Variants in ADK observed in about 807,000 individuals in gnomAD.
The protein encoded by ADK is N6,N6-dimethyladenosine kinase.
ADK carries 24 observed loss-of-function variants against 44.7 expected under a neutral mutation model. The observed-to-expected ratio is 0.54, with a 90% CI of 0.39 to 0.76. The LOEUF is 0.76. ADK is among the 30% of genes least tolerant of loss of function. The pLI is 0.00. For missense variants in ADK, 321 were observed against 425.1 expected (o/e 0.76, Z 2.15); for synonymous variants, 128 against 142.6 (o/e 0.90, Z 0.73).
chr10:74,592,068 T>G (rs1207542740), intron 8 of ADK, among the ~76,000 whole-genome samples: 1 of 152,026 alleles, frequency 6.6e-6, no homozygotes, highest in African/African-American at 2.4e-5. Context: ...AATTCGGCAG[T>G]TTTCAGTGAG....
chr10:74,485,588 C>A (rs1051399729), intron 6 of ADK, among the ~76,000 whole-genome samples: 1 of 151,906 alleles, frequency 6.6e-6, no homozygotes, highest in Non-Finnish European at 1.5e-5. Context: ...ATTTTAAAGT[C>A]TAAAAATTTC....
chr10:74,598,987 T>G (rs2133959485), intron 8 of ADK, among the ~76,000 whole-genome samples: 1 of 152,350 alleles, frequency 6.6e-6, no homozygotes, highest in East Asian at 1.9e-4. Context: ...ATGTGTACAC[T>G]TATTTAGGTG....
chr10:74,195,079 G>C (rs761042920), intron 1 of ADK, among the ~76,000 whole-genome samples: 1 of 90,664 alleles, frequency 1.1e-5, no homozygotes, highest in Non-Finnish European at 2.3e-5. Flanking sequence ...ATTACTGACC[G>C]CTCCCCCCCC....
intron 9 of ADK, among the ~76,000 whole-genome samples, chr10:74,660,286 A>G (rs1854659494): frequency 6.6e-6 from 1 of 151,656 alleles, no homozygotes; most frequent in Non-Finnish European, 1.5e-5. Flanking sequence ...GCACCACCAC[A>G]CCTGGCTAGT....
intron 6 of ADK, among the ~76,000 whole-genome samples, chr10:74,427,721 A>ATATT (rs1386487073): frequency 9.4e-6 from 1 of 106,052 alleles, no homozygotes; most frequent in African/African-American, 3.7e-5. Context: ...TTGTATATGT[A>ATATT]TATGTATGTG....
intron 7 of ADK, chr10:74,527,889 C>A (rs1849119990): frequency 2.4e-6 from 2 of 841,976 alleles, no homozygotes; most frequent in Non-Finnish European, 4.1e-6. Flanking sequence ...CAGGAAAAGG[C>A]AAGAGAAGGA....
chr10:74,286,430 A>G (rs2132463085), intron 3 of ADK, among the ~76,000 whole-genome samples: 1 of 152,352 alleles, frequency 6.6e-6, no homozygotes, highest in East Asian at 1.9e-4. Flanking sequence ...TGAGTGCTCA[A>G]GGGCCCAGGC....
chr10:74,173,310 G>A (rs917651609), intron 1 of ADK, among the ~76,000 whole-genome samples: 5 of 151,688 alleles, frequency 3.3e-5, no homozygotes, highest in Admixed American at 3.3e-4. Flanking sequence ...AGCCAGGATG[G>A]TCTCGATCTC....
chr10:74,168,952 G>A (rs1321379642), intron 1 of ADK, among the ~76,000 whole-genome samples: 1 of 152,116 alleles, frequency 6.6e-6, no homozygotes, highest in African/African-American at 2.4e-5. Context: ...TAGGACCGGT[G>A]TGGTGGCTCA....
At chr10:74,289,154 A>G (rs1847308322) in intron 3 of ADK, among the ~76,000 whole-genome samples, 1 of 152,220 alleles carries the variant, frequency 6.6e-6, no homozygotes, top group Non-Finnish European at 1.5e-5. Flanking sequence ...CTATATCAAC[A>G]AATAAATTCA....
chr10:74,667,348 A>G (rs952316953), intron 9 of ADK, among the ~76,000 whole-genome samples: 6 of 152,188 alleles, frequency 3.9e-5, no homozygotes, highest in African/African-American at 4.8e-5. Flanking sequence ...TGTACTGATA[A>G]GTATAAAAAG....
At chr10:74,626,412 G>A (rs777635670) in intron 9 of ADK, among the ~76,000 whole-genome samples, 1 of 150,696 alleles carries the variant, frequency 6.6e-6, no homozygotes, top group Non-Finnish European at 1.5e-5. Flanking sequence ...CGATTCTCCT[G>A]CCTCAGCCTC....
intron 4 of ADK, among the ~76,000 whole-genome samples, chr10:74,361,907 T>G (rs891382225): frequency 6.6e-6 from 1 of 152,212 alleles, no homozygotes; most frequent in African/African-American, 2.4e-5. Context: ...GCTTATAAGG[T>G]TTCTGCTGAT....
intron 6 of ADK, among the ~76,000 whole-genome samples, chr10:74,473,419 G>A (rs1009728162): frequency 2.0e-5 from 3 of 152,058 alleles, no homozygotes; most frequent in Non-Finnish European, 4.4e-5. Flanking sequence ...TAAACTACAG[G>A]TTTATTTTCC....
chr10:74,534,404 T>C (rs1451682697), intron 7 of ADK, among the ~76,000 whole-genome samples: 2 of 152,238 alleles, frequency 1.3e-5, no homozygotes, highest in African/African-American at 4.8e-5. Flanking sequence ...ATTTGTTATT[T>C]TTTGATCACC....
intron 4 of ADK, among the ~76,000 whole-genome samples, chr10:74,315,984 T>C (rs1233725592): frequency 6.6e-6 from 1 of 152,136 alleles, no homozygotes; most frequent in African/African-American, 2.4e-5. Context: ...ACGCCTGTAA[T>C]CCCAGCACTT....
At chr10:74,596,901 T>C (rs984940761) in intron 8 of ADK, among the ~76,000 whole-genome samples, 1 of 152,182 alleles carries the variant, frequency 6.6e-6, no homozygotes. Flanking sequence ...ATCTATAAAA[T>C]AGGGATAATA....
intron 4 of ADK, among the ~76,000 whole-genome samples, chr10:74,343,025 A>C (rs560545579): frequency 2.6e-5 from 4 of 152,336 alleles, no homozygotes; most frequent in African/African-American, 7.2e-5. Context: ...CAGTGAACAG[A>C]AGTGGCAAGA....
chr10:74,474,679 G>GT (rs1564742703), intron 6 of ADK, among the ~76,000 whole-genome samples: 26 of 151,424 alleles, frequency 1.7e-4, no homozygotes, highest in Non-Finnish European at 3.1e-4. Flanking sequence ...TGTGTGTGGG[G>GT]GTGTGTGTGT....
Sources: gnomAD v4.1 joint callset for allele counts (sites outside exome capture counted in the v4.1 genomes callset) on GRCh38, gnomAD v4.1.1 for gene constraint, MANE v1.5 for transcripts, NCBI Gene and HGNC (gene_info 2026-07-23, HGNC 2026-07-21) for gene names.